Variants in STRN observed in about 807,000 individuals in gnomAD.
STRN encodes the protein striatin.
Under a neutral mutation model 96.3 loss-of-function variants are expected in STRN, and 53 were observed. The observed-to-expected ratio is 0.55, with a 90% confidence interval of 0.44 to 0.69. The LOEUF (loss-of-function observed/expected upper bound fraction) is 0.69, where lower values mean the gene tolerates loss of function less well. Among genes scored for constraint, STRN ranks in the 30% least tolerant of loss-of-function variants. The probability of loss-of-function intolerance (pLI) is 0.00; values close to 1 mark genes in which losing one functional copy is unlikely to be tolerated. For synonymous variants in STRN, 428 were observed against 355.9 expected (o/e 1.20, Z -2.28); for missense variants, 987 against 963.9 (o/e 1.02, Z -0.32).
At chr2:36,942,948 G>A (rs1461299434) in intron 1 of STRN, among the ~76,000 whole-genome samples, 2 of 151,964 alleles carry the variant, frequency 1.3e-5, no homozygotes, top group African/African-American at 2.4e-5. Context: ...TGCCCGCCTC[G>A]GCCTCCCAAA....
intron 1 of STRN, among the ~76,000 whole-genome samples, chr2:36,965,976 G>C (rs968239821): frequency 1.7e-4 from 26 of 152,146 alleles, no homozygotes; most frequent in Non-Finnish European, 3.7e-4. Flanking sequence ...TGGGAGTTAA[G>C]AGTGGGATGG....
intron 1 of STRN, among the ~76,000 whole-genome samples, chr2:36,946,787 T>A (rs1670996428): frequency 6.6e-6 from 1 of 152,250 alleles, no homozygotes; most frequent in African/African-American, 2.4e-5. Flanking sequence ...TTTAACTCAA[T>A]TCCAAATAAG....
chr2:36,931,198 G>C (rs1157027951), intron 1 of STRN, among the ~76,000 whole-genome samples: 7 of 152,162 alleles, frequency 4.6e-5, no homozygotes, highest in South Asian at 2.1e-4. Context: ...CAAGCTGACA[G>C]ACGAGTACAT....
chr2:36,894,273 T>G (rs1055694512), intron 6 of STRN, among the ~76,000 whole-genome samples: 16 of 152,208 alleles, frequency 1.1e-4, no homozygotes, highest in African/African-American at 3.9e-4. Context: ...AACCACATAC[T>G]GAAATATAAG....
At chr2:36,887,382 C>A (rs1045089212) in intron 7 of STRN, among the ~76,000 whole-genome samples, 6 of 151,812 alleles carry the variant, frequency 4.0e-5, no homozygotes, top group African/African-American at 1.5e-4. Context: ...AGGCAGAAGA[C>A]TCGCCTGAAC....
At chr2:36,947,472 T>C (rs182118660) in intron 1 of STRN, among the ~76,000 whole-genome samples, 1 of 151,258 alleles carries the variant, frequency 6.6e-6, no homozygotes, top group African/African-American at 2.4e-5. Context: ...TATTAAATCT[T>C]AACCTACAAA....
rs575137008 is a variant in STRN at position 36,869,181 on chromosome 2, G to C, written c.1499+373C>G. Among the ~76,000 whole-genome samples, 3 of 152,206 alleles carry C rather than the reference G, an allele frequency of 2.0e-5. No individual in the cohort carries two copies. In the South Asian group the frequency reaches 6.2e-4, roughly 32 times the overall value. On this transcript the variant is annotated intron_variant, in intron 11 of 17. Coordinates refer to ENST00000263918, the MANE Select transcript of STRN (RefSeq NM_003162.4). ...ATAAGTCTAAATCTAGTAAACAATGGGGCAAGGTGGAGGTGGACATTTGAT... is the reference window on the plus strand; with the variant it reads ...ATAAGTCTAAATCTAGTAAACAATGCGGCAAGGTGGAGGTGGACATTTGAT...
Position 36,867,855 on chromosome 2 carries a change from A to C in STRN, c.1506T>G (p.Thr502=). 6.3e-7 allele frequency: 1 copy of C among 1,592,898 alleles called. No individual in the cohort carries two copies. Among genetic ancestry groups the C allele is most frequent in the Non-Finnish European group, 8.5e-7 (1 of 1,171,176 alleles). The stretch of plus-strand genomic sequence containing the variant: ...TATAGATAGGTTCTACATCAAGAGA[A>C]GTGCTCCTAAATCAGAGAGAGATGA... ...LQKTAPAKKS[T]SLDVEPIYTF... Residue 502 remains threonine (T), a synonymous_variant, in exon 12 of 18, where the codon ACT becomes ACG. Coordinates refer to ENST00000263918, the MANE Select transcript of STRN (RefSeq NM_003162.4).
At position 36,937,358 on chromosome 2, in the gene STRN, AG is replaced by A. The variant is rs1174137970; in HGVS notation, c.235-12151del. ...AGACTGTCTCAAAAAAAAAAAAAAA[AG>A]AAAAGAAAAGAAAGAAAAAGAAAAA... On this transcript the variant is annotated intron_variant, in intron 1 of 17. Transcript: ENST00000263918. 2.3e-3 allele frequency among the ~76,000 whole-genome samples: 316 copies of A among 140,414 alleles called. 3 individuals are homozygous for A. Among genetic ancestry groups the A allele is most frequent in the East Asian group, 8.5e-3 (40 of 4,714 alleles). 92.1% of individuals were successfully genotyped at this position (140,414 alleles called of 152,430 possible).
intron 12 of STRN, among the ~76,000 whole-genome samples, chr2:36,861,912 C>T (rs1668497016): frequency 6.6e-6 from 1 of 152,076 alleles, no homozygotes; most frequent in Non-Finnish European, 1.5e-5. Context: ...TTTTCCAATC[C>T]TCACCCTCTT....
chr2:36,954,495 G>C (rs184298596), intron 1 of STRN, among the ~76,000 whole-genome samples: 35 of 141,522 alleles, frequency 2.5e-4, no homozygotes, highest in African/African-American at 8.9e-4. Flanking sequence ...CTGGGCGACA[G>C]AGTAAAGCCC....
chr2:36,930,305 G>T (rs977202780), intron 1 of STRN, among the ~76,000 whole-genome samples: 1 of 151,966 alleles, frequency 6.6e-6, no homozygotes, highest in Admixed American at 6.6e-5. Context: ...GGTGGCGTGT[G>T]CCTGTAGTCC....
rs1668133243 is a variant in STRN at position 36,848,342 on chromosome 2, AT to A, written c.*1113del. On this transcript the variant is annotated 3_prime_UTR_variant, in exon 18 of 18. Transcript: ENST00000263918. ...ATAGAGGACTTCTAGGGTACAAAAT[AT>A]TTGTTTTTATTAGTGCTTCTGCAAA... 6.6e-6 allele frequency: 1 copy of A among 152,150 alleles called. No homozygotes were observed. The highest frequency in any genetic ancestry group is 1.5e-5 in the Non-Finnish European group (1 of 68,016). The allele number at this position is 152,150 out of a possible 1,614,324, so 9.4% of individuals were successfully genotyped here.
At chr2:36,849,676 G>T (rs974740998) in intron 17 of STRN, 38 bp downstream of exon 17, 1 of 1,613,184 alleles carries the variant, frequency 6.2e-7, no homozygotes, top group Non-Finnish European at 8.5e-7. Flanking sequence ...CATGAAAATG[G>T]TAAGGACAAA....
intron 4 of STRN, chr2:36,903,071 A>C (rs1455788046): frequency 5.9e-6 from 1 of 168,812 alleles, no homozygotes. Flanking sequence ...TAGACTACCA[A>C]ATCAGTATTT....
chr2:36,964,313 T>C (rs1245250384), intron 1 of STRN, among the ~76,000 whole-genome samples: 2 of 151,210 alleles, frequency 1.3e-5, no homozygotes, highest in African/African-American at 2.4e-5. Flanking sequence ...TTATCTATAT[T>C]CCCAAAACTG....
rs1301585846 is a variant in STRN, at chr2:36,842,375, A to G, written c.*7081T>C. ...ATAAGAAATTATAGCACATAAATTA[A>G]TAACACTATAGTACTCCAAGTGCTG... On this transcript the variant is annotated 3_prime_UTR_variant, in exon 18 of 18. Transcript: ENST00000263918. The G allele has an allele frequency of 2.0e-5, 3 of 152,206 alleles. No homozygotes were observed. The highest frequency in any genetic ancestry group is 4.4e-5 in the Non-Finnish European group (3 of 68,036). The allele number at this position is 152,206 out of a possible 1,614,324, so 9.4% of individuals were successfully genotyped here. A position where few individuals can be genotyped will look rare whatever the true frequency, so the allele number is the denominator to read the frequency against.
chr2:36,900,917 TA>T (rs1380097222), intron 5 of STRN, among the ~76,000 whole-genome samples: 1 of 149,872 alleles, frequency 6.7e-6, no homozygotes, highest in Non-Finnish European at 1.5e-5. Flanking sequence ...AATAAATAAA[TA>T]AATTTAGTAA....
rs1668119356 is a variant in STRN at position 36,847,880 on chromosome 2, G to A, written c.*1576C>T. On this transcript the variant is annotated 3_prime_UTR_variant, in exon 18 of 18. Coordinates refer to ENST00000263918, the MANE Select transcript of STRN (RefSeq NM_003162.4). The stretch of plus-strand genomic sequence containing the variant: ...GGAATATGTAGAAATTGTTTTAATT[G>A]GTTAAAATATCTATAGATTTAATAT... 1 of 152,056 alleles carries A rather than the reference G, an allele frequency of 6.6e-6. No individual in the cohort carries two copies. The highest frequency in any genetic ancestry group is 1.5e-5 in the Non-Finnish European group (1 of 67,996). 9.4% of individuals were successfully genotyped at this position (152,056 alleles called of 1,614,324 possible).
Sources: allele counts gnomAD v4.1 joint callset (sites outside exome capture counted in the v4.1 genomes callset), GRCh38; gene constraint gnomAD v4.1.1; transcripts MANE v1.5; gene names NCBI Gene and HGNC (gene_info 2026-07-23, HGNC 2026-07-21).